Variants in XIRP2 observed in about 807,000 individuals in gnomAD.
XIRP2 encodes the protein xin actin binding repeat containing 2, also known as xin actin-binding repeat-containing protein 2.
Under a neutral mutation model 277.0 loss-of-function variants are expected in XIRP2, and 236 were observed. The observed-to-expected ratio is 0.85, with a 90% CI of 0.77 to 0.95. The LOEUF is 0.95. Ranked by LOEUF, XIRP2 falls within the 40% of genes least tolerant of loss-of-function variation. XIRP2 has a pLI of 0.00. For missense variants in XIRP2, 4,640 were observed against 4,157.5 expected (o/e 1.12, Z -3.19); for synonymous variants, 1,490 against 1,416.5 (o/e 1.05, Z -1.17).
At chr2:167,089,258 T>C (rs1478981256) in intron 2 of XIRP2, among the ~76,000 whole-genome samples, 1 of 152,182 alleles carries the variant, frequency 6.6e-6, no homozygotes, top group African/African-American at 2.4e-5. Context: ...GACAACTTTT[T>C]CTAAAACTCA....
At chr2:166,895,180 A>G (rs1056799635) in intron 1 of XIRP2, among the ~76,000 whole-genome samples, 1 of 152,192 alleles carries the variant, frequency 6.6e-6, no homozygotes, top group Non-Finnish European at 1.5e-5. Context: ...TACTACTTTA[A>G]TTAGAAGCAA....
At chr2:167,184,301 C>A (rs1031470333) in intron 3 of XIRP2, among the ~76,000 whole-genome samples, 22 of 152,180 alleles carry the variant, frequency 1.4e-4, no homozygotes, top group Non-Finnish European at 3.1e-4. Flanking sequence ...AGGCTTTCAA[C>A]TGTTACCAGC....
chr2:167,024,095 A>G (rs540891016), intron 2 of XIRP2, among the ~76,000 whole-genome samples: 99 of 143,060 alleles, frequency 6.9e-4, no homozygotes, highest in Non-Finnish European at 1.2e-3. Context: ...TGAGCATGGA[A>G]TGTTCTTCCA....
intron 2 of XIRP2, among the ~76,000 whole-genome samples, chr2:167,132,051 A>G (rs1220420741): frequency 6.6e-6 from 1 of 152,002 alleles, no homozygotes; most frequent in African/African-American, 2.4e-5. Flanking sequence ...CTTCCGATTC[A>G]ATCCATGACC....
chr2:167,180,510 A>AT (rs1692982080), intron 3 of XIRP2, among the ~76,000 whole-genome samples: 1 of 151,932 alleles, frequency 6.6e-6, no homozygotes, highest in Admixed American at 6.6e-5. Flanking sequence ...TGAATTTTGC[A>AT]TTTTTTGCAG....
intron 3 of XIRP2, among the ~76,000 whole-genome samples, chr2:167,176,017 C>T (rs557537586): frequency 3.3e-5 from 5 of 152,258 alleles, no homozygotes; most frequent in South Asian, 4.1e-4. Flanking sequence ...GTGCTGGCAG[C>T]GAGAATTTCA....
In XIRP2 at chr2:167,258,026, C is replaced by A. The variant is rs760614625; in HGVS notation, c.*209C>A. On this transcript the variant is annotated 3_prime_UTR_variant, in exon 11 of 11. Coordinates refer to ENST00000409195, the MANE Select transcript of XIRP2 (RefSeq NM_152381.6). ...AGTGGACTTTATTCCTAATGAAGAA[C>A]CAAATATGTGTAAAAATATTGCAGA... is the stretch of plus-strand genomic sequence containing the variant. 2 of 1,612,942 alleles carry A rather than the reference C, an allele frequency of 1.2e-6. No individual in the cohort carries two copies. The highest frequency in any genetic ancestry group is 2.2e-5 in the South Asian group (2 of 91,020).
At chr2:166,973,706 T>G (rs541343496) in intron 2 of XIRP2, among the ~76,000 whole-genome samples, 2 of 152,348 alleles carry the variant, frequency 1.3e-5, no homozygotes, top group East Asian at 3.9e-4. Context: ...GAATTTGCAT[T>G]CTAGTAACAT....
rs768830600 is a variant in XIRP2 at position 167,248,448 on chromosome 2, T to C, written c.7056T>C (p.Asp2352=). 9 of 1,613,700 alleles carry C rather than the reference T, an allele frequency of 5.6e-6. No homozygotes were observed. In the Admixed American group the frequency reaches 1.5e-4, roughly 27 times the overall value. ...TCCCTCTTCCTCCACCTCCAGTAGATGAGAAATCTGAAAGAGAAAGTTCAT... is the reference window on the plus strand; with the variant it reads ...TCCCTCTTCCTCCACCTCCAGTAGACGAGAAATCTGAAAGAGAAAGTTCAT... ...PGLPLPPPPV[D]EKSERESSSM... is the part of the protein sequence containing the mutation. Residue 2352 remains aspartate (D), a synonymous_variant, in exon 9 of 11, where the codon GAT becomes GAC. Coordinates refer to ENST00000409195, the MANE Select transcript of XIRP2 (RefSeq NM_152381.6).
chr2:167,243,733 A>T lies in XIRP2; in HGVS notation c.2341A>T (p.Thr781Ser). ...GATGTTTGAAACACAGCCGTTGGAC[A>T]CAATTAACAAAGATATCACAGAAAT... ...RWMFETQPLD[T>S]INKDITEIKV... The change falls in exon 9 of 11, where the codon ACA becomes TCA. Residue 781 changes from threonine to serine, a missense_variant. Physicochemically the swap from Thr to Ser is moderately conservative, Grantham distance 58 (BLOSUM62 1). Transcript: ENST00000409195. The T allele has an allele frequency of 6.2e-7, 1 of 1,614,064 alleles. No individual in the cohort carries two copies. The highest frequency in any genetic ancestry group is 1.3e-5 in the African/African-American group (1 of 75,026).
At chr2:167,220,588 CAA>C (rs760567929) in intron 5 of XIRP2, among the ~76,000 whole-genome samples, 10 of 152,144 alleles carry the variant, frequency 6.6e-5, no homozygotes, top group Non-Finnish European at 1.5e-4. Context: ...CATTCTCATC[CAA>C]GTTTCCCCCA....
intron 2 of XIRP2, among the ~76,000 whole-genome samples, chr2:166,916,444 T>C (rs1406448619): frequency 6.6e-6 from 1 of 152,178 alleles, no homozygotes; most frequent in Non-Finnish European, 1.5e-5. Context: ...TGTAAAAGCA[T>C]TTAACAGGAC....
chr2:166,905,698 C>A (rs1684499311), intron 2 of XIRP2, among the ~76,000 whole-genome samples: 1 of 151,662 alleles, frequency 6.6e-6, no homozygotes, highest in Non-Finnish European at 1.5e-5. Context: ...TTTTTAGAAT[C>A]AGTTCACAAA....
intron 3 of XIRP2, among the ~76,000 whole-genome samples, chr2:167,169,373 T>C (rs1692618075): frequency 6.6e-6 from 1 of 152,112 alleles, no homozygotes; most frequent in South Asian, 2.1e-4. Context: ...AGTCTCAGAG[T>C]AGTCCACACT....
chr2:167,178,483 G>A (rs778826106), intron 3 of XIRP2, among the ~76,000 whole-genome samples: 5 of 151,908 alleles, frequency 3.3e-5, no homozygotes, highest in South Asian at 2.1e-4. Context: ...CTTCCATTTT[G>A]TTACCTTTAC....
Position 167,250,855 on chromosome 2 carries a change from C to T in XIRP2, c.9463C>T (p.Pro3155Ser). ...PKKDSYVEPP[P>S]RRPMSQKSEI... Reference sequence around the variant, plus strand: ...AAAGGACAGTTATGTTGAACCCCCACCAAGAAGGCCCATGTCGCAAAAATC... The same window carrying T: ...AAAGGACAGTTATGTTGAACCCCCATCAAGAAGGCCCATGTCGCAAAAATC... The change falls in exon 9 of 11, where the codon CCA (proline) becomes TCA (serine). Residue 3155 changes from proline (P) to serine (S), a missense_variant. Pro to Ser is a moderately conservative substitution (Grantham distance 74). Transcript: ENST00000409195. 1.2e-6 allele frequency: 2 copies of T among 1,613,526 alleles called. No homozygotes were observed. The highest frequency in any genetic ancestry group is 1.7e-6 in the Non-Finnish European group (2 of 1,179,696).
intron 2 of XIRP2, among the ~76,000 whole-genome samples, chr2:167,127,547 A>G (rs1015853572): frequency 1.3e-5 from 2 of 152,196 alleles, no homozygotes; most frequent in African/African-American, 4.8e-5. Context: ...ACAGCTATCT[A>G]TACTGATTCT....
At chr2:167,117,349 C>T (rs1406826538) in intron 2 of XIRP2, among the ~76,000 whole-genome samples, 1 of 152,150 alleles carries the variant, frequency 6.6e-6, no homozygotes, top group Non-Finnish European at 1.5e-5. Flanking sequence ...AATGTATCAG[C>T]TTCTTTTTTC....
intron 2 of XIRP2, among the ~76,000 whole-genome samples, chr2:166,952,774 T>G (rs888883158): frequency 6.6e-6 from 1 of 151,996 alleles, no homozygotes; most frequent in Non-Finnish European, 1.5e-5. Context: ...AAATAAAGCT[T>G]GAATTTTACA....
Sources: gnomAD v4.1 joint callset for allele counts (sites outside exome capture counted in the v4.1 genomes callset) on GRCh38, gnomAD v4.1.1 for gene constraint, MANE v1.5 for transcripts, NCBI Gene and HGNC (gene_info 2026-07-23, HGNC 2026-07-21) for gene names.